PCDHA4: variants seen among roughly 807,000 people sequenced by gnomAD.
The protein encoded by PCDHA4 is protocadherin alpha-4.
Under a neutral mutation model 61.4 loss-of-function variants are expected in PCDHA4, and 49 were observed. The observed-to-expected ratio is 0.80, with a 90% CI of 0.63 to 1.01. The LOEUF (loss-of-function observed/expected upper bound fraction) is 1.01, where lower values mean the gene tolerates loss of function less well. Ranked by LOEUF, PCDHA4 falls within the 50% of genes least tolerant of loss-of-function variation. PCDHA4 has a pLI of 0.00. For missense variants in PCDHA4, 1,254 were observed against 1,235.8 expected (o/e 1.01, Z -0.22); for synonymous variants, 590 against 550.3 (o/e 1.07, Z -1.01).
At chr5:140,958,696 G>A (rs1276859394) in intron 1 of PCDHA4, among the ~76,000 whole-genome samples, 1 of 152,156 alleles carries the variant, frequency 6.6e-6, no homozygotes, top group African/African-American at 2.4e-5. Flanking sequence ...ATATCCTAGA[G>A]TGACAACTCT....
At chr5:140,875,292 T>C in intron 1 of PCDHA4, 1 of 1,401,900 alleles carries the variant, frequency 7.1e-7, no homozygotes, top group Non-Finnish European at 9.3e-7. Context: ...ACAGGAAAAT[T>C]TTTTTCTCCG....
chr5:140,909,255 C>G (rs1583695279), intron 1 of PCDHA4, among the ~76,000 whole-genome samples: 1 of 152,210 alleles, frequency 6.6e-6, no homozygotes, highest in African/African-American at 2.4e-5. Context: ...GCTGGCCTTG[C>G]TGACTGAAGG....
intron 1 of PCDHA4, chr5:140,967,158 T>G (rs1586192830): frequency 6.2e-7 from 1 of 1,610,448 alleles, no homozygotes. Context: ...CCCGTGGCGG[T>G]GAGCGCCGTT....
At chr5:140,857,859 C>T (rs1554150765) in intron 1 of PCDHA4, 3 of 1,597,718 alleles carry the variant, frequency 1.9e-6, no homozygotes, top group Non-Finnish European at 2.6e-6. Context: ...GGATACAACG[C>T]GTGGCTGTCG....
intron 1 of PCDHA4, among the ~76,000 whole-genome samples, chr5:140,885,621 T>G (rs528108703): frequency 1.3e-5 from 2 of 152,188 alleles, no homozygotes; most frequent in Non-Finnish European, 2.9e-5. Context: ...ATAAAATATG[T>G]CACTGGATTG....
At chr5:140,823,769 T>C (rs2150128956) in intron 1 of PCDHA4, 1 of 1,613,830 alleles carries the variant, frequency 6.2e-7, no homozygotes, top group Non-Finnish European at 8.5e-7. Flanking sequence ...GCCACAGTGC[T>C]GGTGTCGCTG....
rs1581700225 is a variant in PCDHA4 at position 140,809,138 on chromosome 5, G to C, written c.1951G>C (p.Val651Leu). ...TCCGCGCCACCGCCTACTGGTACTG[G>C]TGAAGGACCACGGCGAGCCCGCGCT... The part of the protein sequence containing the change: ...DAPRHRLLVL[V>L]KDHGEPALTA... The change falls in exon 1 of 4, where the codon GTG (valine) becomes CTG (leucine). Residue 651 changes from valine (V) to leucine (L), a missense_variant. Physicochemically the swap from Val to Leu is conservative, Grantham distance 32. Coordinates refer to ENST00000530339, the MANE Select transcript of PCDHA4 (RefSeq NM_018907.4). 6.2e-7 allele frequency: 1 copy of C among 1,613,930 alleles called. No individual in the cohort carries two copies. Among genetic ancestry groups the C allele is most frequent in the African/African-American group, 1.3e-5 (1 of 74,946 alleles).
chr5:140,959,772 C>T (rs1554224331), intron 1 of PCDHA4, among the ~76,000 whole-genome samples: 1 of 152,120 alleles, frequency 6.6e-6, no homozygotes, highest in East Asian at 1.9e-4. Flanking sequence ...TCAGTAAGAA[C>T]AGTGTATATT....
At chr5:140,842,084 G>T in intron 1 of PCDHA4, 1 of 1,613,876 alleles carries the variant, frequency 6.2e-7, no homozygotes, top group South Asian at 1.1e-5. Flanking sequence ...ATTCGAAAAC[G>T]CAGACAACGG....
At chr5:140,824,019 G>A in intron 1 of PCDHA4, 3 of 1,614,082 alleles carry the variant, frequency 1.9e-6, no homozygotes, top group Admixed American at 1.7e-5. Flanking sequence ...GGAGCTGGTC[G>A]TACTCGCAGC....
chr5:140,927,674 A>T (rs201769803), intron 1 of PCDHA4: 1 of 1,614,182 alleles, frequency 6.2e-7, no homozygotes, highest in Non-Finnish European at 8.5e-7. Flanking sequence ...TTGGATCCAG[A>T]TGAAGGGTCC....
chr5:140,874,318 T>A (rs1169216245), intron 1 of PCDHA4, among the ~76,000 whole-genome samples: 1 of 151,782 alleles, frequency 6.6e-6, no homozygotes, highest in African/African-American at 2.4e-5. Context: ...AGTTGTAGGA[T>A]CTTATCTGTT....
chr5:140,841,166 TG>T, intron 1 of PCDHA4: 1 of 946,216 alleles, frequency 1.1e-6, no homozygotes, highest in Non-Finnish European at 1.6e-6. Context: ...CAAGAAGTTC[TG>T]GTTGGTCAAT....
chr5:140,823,758 A>T (rs1767862573), intron 1 of PCDHA4: 3 of 1,613,872 alleles, frequency 1.9e-6, no homozygotes, highest in Non-Finnish European at 2.5e-6. Flanking sequence ...TGACAGCCAC[A>T]GCCACAGTGC....
At chr5:140,902,208 T>TC (rs1462936622) in intron 1 of PCDHA4, among the ~76,000 whole-genome samples, 2 of 149,762 alleles carry the variant, frequency 1.3e-5, no homozygotes, top group East Asian at 3.9e-4. Flanking sequence ...TCTTTCTTTT[T>TC]TTTTTTTTTT....
intron 1 of PCDHA4, chr5:140,884,056 G>T (rs782776341): frequency 6.2e-7 from 1 of 1,613,358 alleles, no homozygotes; most frequent in Non-Finnish European, 8.5e-7. Flanking sequence ...AGGTGCGCGC[G>T]GTGGACGCCG....
At chr5:140,893,381 A>G (rs755671273) in intron 1 of PCDHA4, among the ~76,000 whole-genome samples, 11 of 152,190 alleles carry the variant, frequency 7.2e-5, no homozygotes, top group Non-Finnish European at 1.6e-4. Context: ...TTTATGGGAC[A>G]GTGGCTCATG....
chr5:140,976,788 G>A (rs969853431), intron 1 of PCDHA4, among the ~76,000 whole-genome samples: 4 of 152,218 alleles, frequency 2.6e-5, no homozygotes, highest in Middle Eastern at 3.4e-3. Flanking sequence ...ATATAGCTAC[G>A]CTTTTATGAA....
chr5:140,875,407 A>G (rs2055457272), intron 1 of PCDHA4: 2 of 1,497,672 alleles, frequency 1.3e-6, no homozygotes, highest in Non-Finnish European at 1.8e-6. Flanking sequence ...GACTGCTCAT[A>G]AAATACCTCA....
Sources: allele counts gnomAD v4.1 joint callset (sites outside exome capture counted in the v4.1 genomes callset), GRCh38; gene constraint gnomAD v4.1.1; transcripts MANE v1.5; gene names NCBI Gene and HGNC (gene_info 2026-07-23, HGNC 2026-07-21).